Variants in SMYD5 observed in about 807,000 individuals in gnomAD.
SMYD5 encodes the protein SMYD family member 5, also known as protein-lysine N-trimethyltransferase SMYD5.
SMYD5 carries 35 observed loss-of-function variants against 57.4 expected under a neutral mutation model. The ratio of observed to expected loss-of-function variants is 0.61; its 90% CI spans 0.47 to 0.81. The LOEUF is 0.81. Among genes scored for constraint, SMYD5 ranks in the 30% least tolerant of loss-of-function variants. The pLI is 0.00. For missense variants in SMYD5, 471 were observed against 527.9 expected (o/e 0.89, Z 1.06); for synonymous variants, 198 against 189.7 (o/e 1.04, Z -0.36).
chr2:73,214,435 G>A (rs1264590156), intron 1 of SMYD5, 73 bp downstream of exon 1: 2 of 1,606,764 alleles, frequency 1.2e-6, no homozygotes, highest in Non-Finnish European at 8.5e-7. Context: ...CGGACTCCAT[G>A]CCCGGAGCCC....
intron 1 of SMYD5, among the ~76,000 whole-genome samples, chr2:73,217,182 C>T (rs1686307691): frequency 6.6e-6 from 1 of 152,074 alleles, no homozygotes; most frequent in South Asian, 2.1e-4. Flanking sequence ...GAACTCCTGA[C>T]CTCGTGATCT....
In SMYD5 at chr2:73,221,225, A is replaced by G. The variant is rs148837866; in HGVS notation, c.528A>G (p.Thr176=). ...SIMLMARMVA[T]VKQAKDKDRW... ...TGTTGATGGCTAGGATGGTGGCCACAGTGAAGCAGGTGAGCCCACCCAACC... is the reference window on the plus strand; with the variant it reads ...TGTTGATGGCTAGGATGGTGGCCACGGTGAAGCAGGTGAGCCCACCCAACC... The change falls in exon 5 of 13, where the codon ACA becomes ACG. Residue 176 remains threonine (T), a synonymous_variant. Transcript: ENST00000389501. 7.6e-5 allele frequency: 123 copies of G among 1,613,508 alleles called. 2 individuals carry two copies. The Middle Eastern group carries it at 2.1e-3, about 28-fold the overall frequency.
intron 8 of SMYD5, 93 bp from the exon 9 acceptor site, chr2:73,223,333 A>G (rs1686433216): frequency 3.3e-6 from 3 of 913,766 alleles, no homozygotes; most frequent in Middle Eastern, 2.8e-4. Flanking sequence ...GGGATGGGAG[A>G]CCCTTCTTCC....
chr2:73,219,892 C>G (rs1686352201), intron 2 of SMYD5, 159 bp from the exon 3 acceptor site: 2 of 862,926 alleles, frequency 2.3e-6, no homozygotes, highest in African/African-American at 3.3e-5. Flanking sequence ...TTCATTCATC[C>G]ATTCATCCAT....
At chr2:73,214,755 G>A (rs1031678090) in intron 1 of SMYD5, 4 of 1,320,974 alleles carry the variant, frequency 3.0e-6, no homozygotes, top group South Asian at 1.2e-5. Context: ...TTTGGGTGAG[G>A]GGATGAGGAG....
chr2:73,223,928 G>A lies in SMYD5; in HGVS notation c.884-19G>A. ...TTTAAAAATGGGTAGAATAATGTGT[G>A]TGTATTACTGTCTTACAGCAACTGG... On this transcript the variant is annotated intron_variant, in intron 9 of 12. Transcript: ENST00000389501. 1 of 1,611,106 alleles carries A rather than the reference G, an allele frequency of 6.2e-7. No homozygotes were observed. Among genetic ancestry groups the A allele is most frequent in the Non-Finnish European group, 8.5e-7 (1 of 1,177,180 alleles).
chr2:73,224,819 TA>T lies in SMYD5; in HGVS notation c.941-46del, dbSNP rs779561951. 1.1e-5 allele frequency: 15 copies of T among 1,421,610 alleles called. No individual in the cohort carries two copies. The African/African-American group carries it at 1.8e-4, about 17-fold the overall frequency. The allele number at this position is 1,421,610 out of a possible 1,614,324, so 88.1% of individuals were successfully genotyped here. A position where few individuals can be genotyped will look rare whatever the true frequency, so the allele number is the denominator to read the frequency against. Reference sequence around the variant, plus strand: ...CAGTGCTCTGCAGAATTGAGGCTATTATTTTTTTTAGTCAATAATCCTCATT... The same window carrying T: ...CAGTGCTCTGCAGAATTGAGGCTATTTTTTTTTTAGTCAATAATCCTCATT... On this transcript the variant is annotated intron_variant, in intron 10 of 12. Coordinates refer to ENST00000389501, the MANE Select transcript of SMYD5 (RefSeq NM_006062.3).
chr2:73,223,588 G>A, intron 9 of SMYD5, 56 bp downstream of exon 9: 2 of 1,188,084 alleles, frequency 1.7e-6, no homozygotes, highest in Non-Finnish European at 2.5e-6. Flanking sequence ...CCAGTCAGAT[G>A]GTGGACACAA....
intron 1 of SMYD5, 149 bp from the exon 2 acceptor site, chr2:73,218,712 G>A (rs1686332239): frequency 1.6e-6 from 1 of 612,218 alleles, no homozygotes; most frequent in Non-Finnish European, 2.9e-6. Flanking sequence ...AGTTATGGAG[G>A]GTGCTAACCA....
intron 5 of SMYD5, 114 bp downstream of exon 5, chr2:73,221,348 C>A: frequency 1.2e-6 from 1 of 830,984 alleles, no homozygotes; most frequent in Non-Finnish European, 2.0e-6. Context: ...TCCTGGCCTT[C>A]CCAAAGGAGA....
At chr2:73,222,901 C>A in intron 7 of SMYD5, 84 bp downstream of exon 7, 1 of 1,518,994 alleles carries the variant, frequency 6.6e-7, no homozygotes, top group Non-Finnish European at 9.1e-7. Flanking sequence ...CCTACTGGGA[C>A]AGCTGAGCCA....
chr2:73,218,004 C>T (rs1266878872), intron 1 of SMYD5, among the ~76,000 whole-genome samples: 1 of 152,186 alleles, frequency 6.6e-6, no homozygotes, highest in Non-Finnish European at 1.5e-5. Context: ...ACCTGGGCAT[C>T]TTGTTACGAT....
chr2:73,224,734 A>G (rs559070442), intron 10 of SMYD5, 132 bp from the exon 11 acceptor site: 17 of 662,548 alleles, frequency 2.6e-5, no homozygotes, highest in Non-Finnish European at 3.9e-5. Flanking sequence ...TGCAGAGTCC[A>G]GAAACTTGGG....
intron 11 of SMYD5, chr2:73,225,319 T>C: frequency 2.0e-6 from 1 of 506,322 alleles, no homozygotes; most frequent in Non-Finnish European, 3.5e-6. Flanking sequence ...TGGTTGAATC[T>C]TCTTGAGGGC....
intron 12 of SMYD5, 28 bp downstream of exon 12, chr2:73,225,729 C>T (rs552342309): frequency 6.2e-7 from 1 of 1,614,050 alleles, no homozygotes; most frequent in South Asian, 1.1e-5. Flanking sequence ...GGTTGTGCAG[C>T]TGGGCTCTGG....
At position 73,224,938 on chromosome 2, in the gene SMYD5, T is replaced by C; in HGVS notation, c.1013T>C (p.Leu338Pro). Residue 338 changes from leucine (L) to proline (P), a missense_variant, in exon 11 of 13, where the codon CTG (leucine) becomes CCG (proline). Leu to Pro is a moderately conservative substitution (Grantham distance 98). Transcript: ENST00000389501. ...ENNFLLHVTALEDIKPGEEIC... is the reference protein window; with the variant it reads ...ENNFLLHVTAPEDIKPGEEIC... ...AACTTCCTTTTGCATGTCACTGCTC[T>C]GGAGGATATTAAGCCAGGAGAGGTG... 1 of 1,614,016 alleles carries C rather than the reference T, an allele frequency of 6.2e-7. No homozygotes were observed. The highest frequency in any genetic ancestry group is 8.5e-7 in the Non-Finnish European group (1 of 1,179,918).
intron 1 of SMYD5, chr2:73,214,688 C>T (rs989377228): frequency 3.5e-6 from 5 of 1,410,688 alleles, no homozygotes; most frequent in Non-Finnish European, 1.9e-6. Context: ...GGGGATGTGC[C>T]GGGCAGAGAG....
intron 8 of SMYD5, 156 bp from the exon 9 acceptor site, chr2:73,223,269 TG>T (rs1686431854): frequency 4.8e-6 from 4 of 827,836 alleles, no homozygotes; most frequent in Admixed American, 3.9e-5. Flanking sequence ...GAATCTGTTT[TG>T]GGGAGCCTCT....
intron 6 of SMYD5, 74 bp downstream of exon 6, chr2:73,222,004 C>G: frequency 1.1e-6 from 1 of 943,800 alleles, no homozygotes; most frequent in Non-Finnish European, 1.7e-6. Context: ...CTGTGGGGAG[C>G]ACCACATTTG....
Sources: allele counts gnomAD v4.1 joint callset (sites outside exome capture counted in the v4.1 genomes callset), GRCh38; gene constraint gnomAD v4.1.1; transcripts MANE v1.5; gene names NCBI Gene and HGNC (gene_info 2026-07-23, HGNC 2026-07-21).